Variants in PIWIL1 observed in about 807,000 individuals in gnomAD.
PIWIL1 encodes the protein piwi like RNA-mediated gene silencing 1.
Under a neutral mutation model 114.4 loss-of-function variants are expected in PIWIL1, and 73 were observed. The ratio of observed to expected loss-of-function variants is 0.64; its 90% CI spans 0.53 to 0.78. The LOEUF is 0.78. PIWIL1 is among the 30% of genes least tolerant of loss of function. The probability of loss-of-function intolerance (pLI) is 0.00; values close to 1 mark genes in which losing one functional copy is unlikely to be tolerated. For missense variants in PIWIL1, 723 were observed against 1,063.1 expected (o/e 0.68, Z 4.45); for synonymous variants, 375 against 369.0 (o/e 1.02, Z -0.19).
At chr12:130,418,097 T>G in the PIWIL1 span, among the ~76,000 whole-genome samples, 2 of 152,258 alleles carry the variant, frequency 1.3e-5, no homozygotes, top group Non-Finnish European at 2.9e-5. Context: ...CCAAACCGTT[T>G]GGCCTCTTTC....
chr12:130,341,712 ATGT>A (rs1211178379), intron 1 of PIWIL1, among the ~76,000 whole-genome samples: 1 of 152,186 alleles, frequency 6.6e-6, no homozygotes, highest in African/African-American at 2.4e-5. Context: ...TTGTTTTCTC[ATGT>A]TGTCTAAAAT....
chr12:130,353,138 T>C (rs759946306), intron 9 of PIWIL1, among the ~76,000 whole-genome samples: 19 of 152,228 alleles, frequency 1.2e-4, no homozygotes, highest in Non-Finnish European at 2.4e-4. Context: ...GATGTTCCTC[T>C]GGTGTGCTCA....
At chr12:130,371,119 A>G in intron 19 of PIWIL1, 57 bp from the exon 20 acceptor site, 1 of 1,453,458 alleles carries the variant, frequency 6.9e-7, no homozygotes, top group East Asian at 2.3e-5. Flanking sequence ...ACTGTAAGAA[A>G]CTGGAATCAC....
the PIWIL1 span, among the ~76,000 whole-genome samples, chr12:130,386,207 G>T: frequency 1.9e-3 from 287 of 152,232 alleles, no homozygotes; most frequent in African/African-American, 6.7e-3. Context: ...TTTTAGAAAG[G>T]CTAAGATGCT....
At chr12:130,410,201 T>G in the PIWIL1 span, among the ~76,000 whole-genome samples, 1 of 152,256 alleles carries the variant, frequency 6.6e-6, no homozygotes, top group East Asian at 1.9e-4. Flanking sequence ...GAAAGGTCAC[T>G]TAAATATTTT....
chr12:130,405,906 T>C, the PIWIL1 span, among the ~76,000 whole-genome samples: 1 of 152,226 alleles, frequency 6.6e-6, no homozygotes, highest in Non-Finnish European at 1.5e-5. Context: ...AATAAGAATA[T>C]GAATGTATTT....
At chr12:130,393,407 G>T in the PIWIL1 span, among the ~76,000 whole-genome samples, 49 of 118,554 alleles carry the variant, frequency 4.1e-4, no homozygotes, top group East Asian at 1.0e-3. Context: ...CATCACGTGG[G>T]TGCGTCAGTT....
chr12:130,421,689 A>ATGTGTGTG, the PIWIL1 span, among the ~76,000 whole-genome samples: 929 of 106,938 alleles, frequency 8.7e-3, 5 homozygotes, highest in South Asian at 0.018. Flanking sequence ...CCCTGCATTT[A>ATGTGTGTG]TATGTGTGTG....
the PIWIL1 span, chr12:130,397,628 C>T: frequency 3.8e-5 from 15 of 397,366 alleles, no homozygotes; most frequent in Admixed American, 8.8e-5. Flanking sequence ...GTACTGTCCC[C>T]GTTTCCCACC....
At chr12:130,381,196 C>T in the PIWIL1 span, among the ~76,000 whole-genome samples, 1 of 152,154 alleles carries the variant, frequency 6.6e-6, no homozygotes, top group Non-Finnish European at 1.5e-5. Context: ...CTTCCCTTTG[C>T]GTATTTTGGA....
At chr12:130,384,425 T>G in the PIWIL1 span, among the ~76,000 whole-genome samples, 1 of 152,194 alleles carries the variant, frequency 6.6e-6, no homozygotes. Flanking sequence ...ATCATCAGGA[T>G]TGCTCTGAAT....
Position 130,354,519 on chromosome 12 carries a change from C to CT in PIWIL1, c.1045-15dup, listed in dbSNP as rs576896988. 3.2e-4 allele frequency: 519 copies of CT among 1,614,062 alleles called. 3 individuals carry two copies. The South Asian group carries it at 5.5e-3, about 17-fold the overall frequency. ...GAGGCATTTGCCGTGAACAGCGACCCTTTCGTCTCTTGAGCAGCAATACAA... is the reference window on the plus strand; with the variant it reads ...GAGGCATTTGCCGTGAACAGCGACCCTTTTCGTCTCTTGAGCAGCAATACAA... On this transcript the variant is annotated splice_polypyrimidine_tract_variant and intron_variant, in intron 9 of 20. Coordinates refer to ENST00000245255, the MANE Select transcript of PIWIL1 (RefSeq NM_004764.5).
the PIWIL1 span, among the ~76,000 whole-genome samples, chr12:130,379,154 G>A: frequency 2.0e-5 from 3 of 152,160 alleles, no homozygotes; most frequent in African/African-American, 7.2e-5. Context: ...TGTTTAATTC[G>A]CTGTAGGGTG....
the PIWIL1 span, chr12:130,424,293 G>A: frequency 9.0e-5 from 111 of 1,231,582 alleles, no homozygotes; most frequent in South Asian, 2.1e-3. The surrounding 1 kb of genome is among the most constrained non-coding windows in gnomAD (Gnocchi z 9.8). Flanking sequence ...CGGCCTCTCC[G>A]GGCCGGGCTG....
the PIWIL1 span, among the ~76,000 whole-genome samples, chr12:130,387,675 A>C: frequency 2.8e-4 from 28 of 98,418 alleles, no homozygotes; most frequent in Admixed American, 7.7e-4. Flanking sequence ...TCACCCATGC[A>C]CACCACCCCC....
At chr12:130,399,061 G>T in the PIWIL1 span, 2 of 978,436 alleles carry the variant, frequency 2.0e-6, no homozygotes, top group Non-Finnish European at 1.4e-6. Context: ...ACACTGGCCC[G>T]GTTAAGGTAG....
chr12:130,379,319 T>G, the PIWIL1 span, among the ~76,000 whole-genome samples: 2 of 152,232 alleles, frequency 1.3e-5, no homozygotes, highest in Non-Finnish European at 2.9e-5. Context: ...TGTACAAATT[T>G]TTTTCTTATT....
chr12:130,396,621 C>T, the PIWIL1 span: 4 of 152,736 alleles, frequency 2.6e-5, no homozygotes, highest in East Asian at 7.7e-4. Flanking sequence ...CCATATGCCA[C>T]AGAATAGAAC....
chr12:130,423,227 A>G, the PIWIL1 span, among the ~76,000 whole-genome samples: 1 of 152,324 alleles, frequency 6.6e-6, no homozygotes, highest in African/African-American at 2.4e-5. Flanking sequence ...GGAGTGAGGA[A>G]GTTCTCAGGA....
Sources: gnomAD v4.1 joint callset for allele counts (sites outside exome capture counted in the v4.1 genomes callset) on GRCh38, gnomAD v4.1.1 for gene constraint, Gnocchi (gnomAD v3.1) non-coding constraint, MANE v1.5 for transcripts, NCBI Gene and HGNC (gene_info 2026-07-23, HGNC 2026-07-21) for gene names.